MYT1L: variants seen among roughly 807,000 people sequenced by gnomAD.
The protein encoded by MYT1L is myelin transcription factor 1 like.
Under a neutral mutation model 126.7 loss-of-function variants are expected in MYT1L, and 12 were observed. The ratio of observed to expected loss-of-function variants is 0.09; its 90% CI spans 0.06 to 0.15. MYT1L has a LOEUF of 0.15. Among genes scored for constraint, MYT1L ranks in the 10% least tolerant of loss-of-function variants. The probability of loss-of-function intolerance (pLI) is 1.00; values close to 1 mark genes in which losing one functional copy is unlikely to be tolerated. For missense variants in MYT1L, 979 were observed against 1,585.2 expected, an observed-to-expected ratio of 0.62 and a Z score of 6.49; for synonymous variants, 541 against 604.2, an observed-to-expected ratio of 0.90 and a Z score of 1.53.
intron 2 of MYT1L, among the ~76,000 whole-genome samples, chr2:2,176,088 A>C (rs1025445331): frequency 2.0e-5 from 3 of 152,208 alleles, no homozygotes; most frequent in Non-Finnish European, 4.4e-5. Flanking sequence ...CTCATGAGAC[A>C]GTCACTCAGC....
intron 2 of MYT1L, among the ~76,000 whole-genome samples, chr2:2,208,589 A>C (rs570192321): frequency 6.6e-6 from 1 of 152,328 alleles, no homozygotes; most frequent in African/African-American, 2.4e-5. Flanking sequence ...CATACACAAC[A>C]ATAACAATTA....
intron 3 of MYT1L, among the ~76,000 whole-genome samples, chr2:2,133,188 AG>A (rs1304619818): frequency 1.3e-5 from 2 of 152,154 alleles, no homozygotes; most frequent in African/African-American, 4.8e-5. Flanking sequence ...TACTTTTAAA[AG>A]TTTAGGAAGA....
Position 1,923,201 on chromosome 2 carries a change from T to C in MYT1L, c.568A>G (p.Asn190Asp), listed in dbSNP as rs1164310970. Residue 190 changes from asparagine to aspartate, a missense_variant, in exon 10 of 25, where the codon AAT becomes GAT. Transcript: ENST00000647738. ...TCGTAATTGTCATATTCGTCATTATTGTTATCATCCTTTTCTGTGTCTTGC... is the reference window on the plus strand; with the variant it reads ...TCGTAATTGTCATATTCGTCATTATCGTTATCATCCTTTTCTGTGTCTTGC... ...IMQDTEKDDN[N>D]NDEYDNYDEL... is the part of the protein sequence containing the mutation. The C allele has an allele frequency of 2.4e-5, 38 of 1,613,410 alleles. No individual in the cohort carries two copies. The highest frequency in any genetic ancestry group is 3.0e-5 in the Non-Finnish European group (35 of 1,179,640).
intron 3 of MYT1L, among the ~76,000 whole-genome samples, chr2:2,080,415 T>G (rs1447987020): frequency 2.0e-5 from 3 of 152,208 alleles, no homozygotes; most frequent in African/African-American, 7.2e-5. Context: ...AATAAATATT[T>G]ACAAATTACA....
Position 2,197,547 on chromosome 2 carries a change from A to G in MYT1L, c.-420-24559T>C, listed in dbSNP as rs57681132. 8.2e-4 allele frequency among the ~76,000 whole-genome samples: 124 copies of G among 152,020 alleles called. 1 individual carries two copies. The highest frequency in any genetic ancestry group is 2.9e-3 in the African/African-American group (122 of 41,486). On this transcript the variant is annotated intron_variant, in intron 2 of 24. Coordinates refer to ENST00000647738, the MANE Select transcript of MYT1L (RefSeq NM_001303052.2). ...ATGTATATAACATATACACCCATATATACATACATACATGCACACACACAT... is the reference window on the plus strand; with the variant it reads ...ATGTATATAACATATACACCCATATGTACATACATACATGCACACACACAT...
intron 3 of MYT1L, among the ~76,000 whole-genome samples, chr2:2,062,870 G>A (rs1052909410): frequency 3.9e-5 from 6 of 152,184 alleles, no homozygotes; most frequent in Admixed American, 3.9e-4. Flanking sequence ...GAGGGGGTGT[G>A]TAGATCTGTT....
At chr2:2,141,913 T>C (rs1327867121) in intron 3 of MYT1L, among the ~76,000 whole-genome samples, 2 of 152,170 alleles carry the variant, frequency 1.3e-5, no homozygotes, top group African/African-American at 4.8e-5. Flanking sequence ...TCAATGAATT[T>C]TGGAAATTTA....
At chr2:2,193,542 C>G (rs1370946355) in intron 2 of MYT1L, among the ~76,000 whole-genome samples, 1 of 152,132 alleles carries the variant, frequency 6.6e-6, no homozygotes, top group African/African-American at 2.4e-5. Context: ...ACAGTCCCAT[C>G]TGTAAAGCTG....
chr2:2,270,061 C>T (rs2095231801), intron 2 of MYT1L, among the ~76,000 whole-genome samples: 1 of 152,136 alleles, frequency 6.6e-6, no homozygotes, highest in Non-Finnish European at 1.5e-5. Context: ...GTCATTAGGT[C>T]AAGAGCGTGG....
intron 8 of MYT1L, among the ~76,000 whole-genome samples, chr2:1,954,614 C>G (rs1454158505): frequency 6.6e-6 from 1 of 152,124 alleles, no homozygotes; most frequent in Non-Finnish European, 1.5e-5. Flanking sequence ...CAGCAAGTGG[C>G]TGTTCCACTT....
At chr2:2,050,357 T>C (rs1050697765) in intron 4 of MYT1L, among the ~76,000 whole-genome samples, 5 of 152,168 alleles carry the variant, frequency 3.3e-5, no homozygotes, top group African/African-American at 9.7e-5. Flanking sequence ...TTCTTTAAAA[T>C]AGTCACCATT....
intron 4 of MYT1L, among the ~76,000 whole-genome samples, chr2:2,015,621 G>A (rs1360884571): frequency 6.6e-6 from 1 of 152,146 alleles, no homozygotes; most frequent in Non-Finnish European, 1.5e-5. Context: ...ACTCATAGCT[G>A]CTCTGGCTTT....
At chr2:1,939,282 G>A (rs942483874) in intron 9 of MYT1L, among the ~76,000 whole-genome samples, 1 of 152,180 alleles carries the variant, frequency 6.6e-6, no homozygotes, top group Non-Finnish European at 1.5e-5. Flanking sequence ...CAGGGGAATC[G>A]GTTGCTGGCC....
At chr2:2,068,373 A>G (rs1052960192) in intron 3 of MYT1L, among the ~76,000 whole-genome samples, 2 of 152,164 alleles carry the variant, frequency 1.3e-5, no homozygotes, top group Non-Finnish European at 2.9e-5. Context: ...GAGGTCACAG[A>G]GCAGGTCAGC....
At chr2:2,122,458 T>C (rs969037550) in intron 3 of MYT1L, among the ~76,000 whole-genome samples, 3 of 152,138 alleles carry the variant, frequency 2.0e-5, no homozygotes, top group Admixed American at 6.5e-5. Flanking sequence ...GGCATTAGAC[T>C]ACACGAAGGG....
intron 9 of MYT1L, among the ~76,000 whole-genome samples, chr2:1,925,227 G>T (rs1200320626): frequency 6.6e-6 from 1 of 152,204 alleles, no homozygotes; most frequent in Admixed American, 6.5e-5. Context: ...GGAACTCATT[G>T]TGTGGTCCTG....
chr2:1,831,683 C>T lies in MYT1L; in HGVS notation c.3080+7466G>A, dbSNP rs143873060. Among the ~76,000 whole-genome samples, 355 of 152,334 alleles carry T rather than the reference C, an allele frequency of 2.3e-3. 3 individuals are homozygous for T. Among genetic ancestry groups the T allele is most frequent in the African/African-American group, 8.0e-3 (334 of 41,586 alleles). On this transcript the variant is annotated intron_variant, in intron 21 of 24. Coordinates refer to ENST00000647738, the MANE Select transcript of MYT1L (RefSeq NM_001303052.2). Reference sequence around the variant, plus strand: ...AACTCTCCGCCACACCGGCCTCTCGCCACTTTCCCAGTATTGTGTGTGTTC... The same window carrying T: ...AACTCTCCGCCACACCGGCCTCTCGTCACTTTCCCAGTATTGTGTGTGTTC...
chr2:1,792,536 A>G (rs971867381), intron 23 of MYT1L, 72 bp from the exon 24 acceptor site: 4 of 1,515,922 alleles, frequency 2.6e-6, no homozygotes, highest in Non-Finnish European at 3.6e-6. Flanking sequence ...GCCGGGGGCC[A>G]CAGTCTACTG....
chr2:1,985,208 C>T (rs1018570280), intron 5 of MYT1L, among the ~76,000 whole-genome samples: 25 of 152,342 alleles, frequency 1.6e-4, no homozygotes, highest in African/African-American at 5.1e-4. Context: ...CTGCTCAATT[C>T]GCTTGGTCAA....
Sources: gnomAD v4.1 joint callset for allele counts (sites outside exome capture counted in the v4.1 genomes callset) on GRCh38, gnomAD v4.1.1 for gene constraint, MANE v1.5 for transcripts, NCBI Gene and HGNC (gene_info 2026-07-23, HGNC 2026-07-21) for gene names.